The following BAZ2B variants were observed in gnomAD, a reference collection of about 807,000 sequenced individuals.
BAZ2B encodes the protein bromodomain adjacent to zinc finger domain 2B, also known as bromodomain adjacent to zinc finger domain protein 2B.
In BAZ2B, 91 loss-of-function variants were observed where a neutral mutation model predicts 246.0. The observed-to-expected ratio is 0.37, with a 90% CI of 0.31 to 0.44. The LOEUF is 0.44. BAZ2B is among the 20% of genes least tolerant of loss of function. The pLI, the probability that BAZ2B is intolerant of heterozygous loss-of-function variation, is 1.00. For missense variants in BAZ2B, 2,332 were observed against 2,533.7 expected (o/e 0.92, Z 1.71); for synonymous variants, 855 against 860.0 (o/e 0.99, Z 0.10).
intron 1 of BAZ2B, among the ~76,000 whole-genome samples, chr2:159,587,517 T>A (rs553061506): frequency 2.0e-5 from 3 of 152,170 alleles, no homozygotes; most frequent in Non-Finnish European, 4.4e-5. Flanking sequence ...CATCAAAAAT[T>A]CACTGAAATC....
At chr2:159,345,082 T>G (rs2067540832) in intron 31 of BAZ2B, among the ~76,000 whole-genome samples, 1 of 151,822 alleles carries the variant, frequency 6.6e-6, no homozygotes, top group South Asian at 2.1e-4. Context: ...TGGTGGGGCA[T>G]GCCTGTAATC....
At chr2:159,345,664 C>G (rs1276255979) in intron 31 of BAZ2B, among the ~76,000 whole-genome samples, 1 of 152,142 alleles carries the variant, frequency 6.6e-6, no homozygotes, top group Non-Finnish European at 1.5e-5. Flanking sequence ...AACCAACAGT[C>G]AACTAGAATT....
At chr2:159,415,808 A>G (rs1054841833) in intron 13 of BAZ2B, among the ~76,000 whole-genome samples, 1 of 152,204 alleles carries the variant, frequency 6.6e-6, no homozygotes, top group African/African-American at 2.4e-5. Flanking sequence ...TGGGTACTAA[A>G]TTGTACGTGA....
intron 3 of BAZ2B, among the ~76,000 whole-genome samples, chr2:159,472,932 T>C (rs1337103928): frequency 6.6e-6 from 1 of 152,324 alleles, no homozygotes; most frequent in Non-Finnish European, 1.5e-5. Context: ...TTAGGGATAT[T>C]GGCCTGTAAT....
chr2:159,539,793 T>A (rs116109343), intron 2 of BAZ2B, among the ~76,000 whole-genome samples: 69 of 152,336 alleles, frequency 4.5e-4, no homozygotes, highest in African/African-American at 1.2e-3. Flanking sequence ...ACTTTTTTTT[T>A]AAATGATATC....
chr2:159,688,106 C>A, the BAZ2B span, among the ~76,000 whole-genome samples: 4 of 152,116 alleles, frequency 2.6e-5, no homozygotes, highest in African/African-American at 9.7e-5. Context: ...AGTGTGAGAT[C>A]CTAGTTCATT....
rs144867940 is a variant in BAZ2B, at chr2:159,483,053, CAA to C, written c.-2-4334_-2-4333del. On this transcript the variant is annotated intron_variant, in intron 2 of 36. Transcript: ENST00000392783. The stretch of plus-strand genomic sequence containing the variant: ...CACGAACTAACCCATTCTTTGTGTT[CAA>C]AACCAGCCTAGATATCACAGGATCA... Among the ~76,000 whole-genome samples, 292 of 152,168 alleles carry C rather than the reference CAA, an allele frequency of 1.9e-3. 2 individuals carry two copies. The East Asian group carries it at 0.045, about 24-fold the overall frequency.
chr2:159,436,705 C>T (rs1285619236), intron 8 of BAZ2B, among the ~76,000 whole-genome samples: 1 of 152,088 alleles, frequency 6.6e-6, no homozygotes, highest in African/African-American at 2.4e-5. Flanking sequence ...GAGCGGAGAT[C>T]TTGCCACTGC....
At chr2:159,471,872 G>A (rs1354944207) in intron 3 of BAZ2B, among the ~76,000 whole-genome samples, 1 of 152,090 alleles carries the variant, frequency 6.6e-6, no homozygotes, top group Non-Finnish European at 1.5e-5. Flanking sequence ...GATTTCAAAG[G>A]AGATTTGTAA....
At chr2:159,348,889 C>T (rs558287433) in intron 29 of BAZ2B, 56 bp from the exon 30 acceptor site, 2 of 1,549,378 alleles carry the variant, frequency 1.3e-6, no homozygotes, top group Admixed American at 2.1e-5. Context: ...GGAAATGACA[C>T]CATGGAAATA....
Position 159,320,134 on chromosome 2 carries a change from CT to C in BAZ2B, c.*130del, listed in dbSNP as rs904287556. Reference sequence around the variant, plus strand: ...TAAAAATGGTATCATTCTTCTGATACTTTTTTTTTATACTTAAGGAAAAAGA... The same window carrying C: ...TAAAAATGGTATCATTCTTCTGATACTTTTTTTTATACTTAAGGAAAAAGA... On this transcript the variant is annotated 3_prime_UTR_variant, in exon 37 of 37. Transcript: ENST00000392783. The C allele has an allele frequency of 1.8e-3, 1,452 of 811,824 alleles. No homozygotes were observed. Among genetic ancestry groups the C allele is most frequent in the South Asian group, 3.3e-3 (80 of 24,540 alleles). 50.3% of individuals were successfully genotyped at this position (811,824 alleles called of 1,614,324 possible). A position where few individuals can be genotyped will look rare whatever the true frequency, so the allele number is the denominator to read the frequency against.
intron 2 of BAZ2B, among the ~76,000 whole-genome samples, chr2:159,486,168 C>T (rs900129575): frequency 2.6e-5 from 4 of 151,846 alleles, no homozygotes; most frequent in Middle Eastern, 3.2e-3. Context: ...AACAAGGAAA[C>T]GAAGGTTAGA....
intron 3 of BAZ2B, among the ~76,000 whole-genome samples, chr2:159,473,324 C>A (rs2078068477): frequency 6.6e-6 from 1 of 152,272 alleles, no homozygotes; most frequent in Middle Eastern, 3.4e-3. Flanking sequence ...AGGAATTTAT[C>A]CATTTCTTTT....
chr2:159,649,169 A>G, the BAZ2B span, among the ~76,000 whole-genome samples: 1 of 151,972 alleles, frequency 6.6e-6, no homozygotes, highest in African/African-American at 2.4e-5. Context: ...ACTGTGTTAT[A>G]TGTTTTCTTA....
the BAZ2B span, among the ~76,000 whole-genome samples, chr2:159,708,044 C>T: frequency 6.6e-6 from 1 of 151,932 alleles, no homozygotes; most frequent in African/African-American, 2.4e-5. Flanking sequence ...GATGTGGTAG[C>T]TGATGCCTGT....
chr2:159,495,762 G>A (rs529482151), intron 2 of BAZ2B, among the ~76,000 whole-genome samples: 3 of 148,700 alleles, frequency 2.0e-5, no homozygotes, highest in South Asian at 2.2e-4. Flanking sequence ...CATTTTAATC[G>A]AAGAAGAAAT....
chr2:159,450,918 T>C (rs1295679772), intron 4 of BAZ2B, among the ~76,000 whole-genome samples: 2 of 152,114 alleles, frequency 1.3e-5, no homozygotes, highest in East Asian at 3.9e-4. Flanking sequence ...TTTTGTAGTT[T>C]TGGTAGAGAT....
Position 159,320,411 on chromosome 2 carries a change from T to G in BAZ2B, c.6361A>C (p.Asn2121His). Reference sequence around the variant, plus strand: ...ACATCTAGAGCAAAGGTTTCAAGGTTTGGATACCTGAAAGAAAACAAATAA... The same window carrying G: ...ACATCTAGAGCAAAGGTTTCAAGGTGTGGATACCTGAAAGAAAACAAATAA... The part of the protein sequence containing the change: ...REKLSSGQYP[N>H]LETFALDVRL... Residue 2121 changes from asparagine (N) to histidine (H), a missense_variant, in exon 37 of 37, where the codon AAC (asparagine) becomes CAC (histidine). By Grantham distance (68) the Asn-to-His change is moderately conservative (BLOSUM62 1). Around this residue, in one of 9 missense-constraint regions of BAZ2B, gnomAD observed 210 missense variants for 232.5 expected, o/e 0.90. Transcript: ENST00000392783. 1 of 1,562,098 alleles carries G rather than the reference T, an allele frequency of 6.4e-7. No homozygotes were observed. Among genetic ancestry groups the G allele is most frequent in the Non-Finnish European group, 8.6e-7 (1 of 1,164,580 alleles).
At chr2:159,360,720 C>T (rs2059597995) in intron 27 of BAZ2B, among the ~76,000 whole-genome samples, 1 of 152,282 alleles carries the variant, frequency 6.6e-6, no homozygotes, top group South Asian at 2.1e-4. Context: ...GCTACAGTAA[C>T]TAAAACAGTA....
Sources: allele counts gnomAD v4.1 joint callset (sites outside exome capture counted in the v4.1 genomes callset), GRCh38; gene constraint gnomAD v4.1.1; regional missense constraint gnomAD v4.1.1; transcripts MANE v1.5; gene names NCBI Gene and HGNC (gene_info 2026-07-23, HGNC 2026-07-21).